STK10: variants seen among roughly 807,000 people sequenced by gnomAD.
The protein encoded by STK10 is serine/threonine-protein kinase 10.
In STK10, 78 loss-of-function variants were observed where a neutral mutation model predicts 113.8. The ratio of observed to expected loss-of-function variants is 0.69; its 90% CI spans 0.57 to 0.83. The LOEUF (loss-of-function observed/expected upper bound fraction) is 0.83, where lower values mean the gene tolerates loss of function less well. Ranked by LOEUF, STK10 falls within the 40% of genes least tolerant of loss-of-function variation. The probability of loss-of-function intolerance (pLI) is 0.00; values close to 1 mark genes in which losing one functional copy is unlikely to be tolerated. For missense variants in STK10, 1,109 were observed against 1,280.1 expected, an observed-to-expected ratio of 0.87 and a Z score of 2.04; for synonymous variants, 465 against 494.7, an observed-to-expected ratio of 0.94 and a Z score of 0.80.
At chr5:172,127,030 G>C (rs994951843) in intron 3 of STK10, among the ~76,000 whole-genome samples, 7 of 152,122 alleles carry the variant, frequency 4.6e-5, no homozygotes, top group African/African-American at 1.7e-4. Flanking sequence ...AGCCGTGCGT[G>C]GTGGCACGGA....
At chr5:172,094,309 G>A (rs978763474) in intron 8 of STK10, among the ~76,000 whole-genome samples, 5 of 152,078 alleles carry the variant, frequency 3.3e-5, no homozygotes, top group Non-Finnish European at 5.9e-5. Context: ...GTGGGAAAAT[G>A]GCTCCCCTGT....
chr5:172,073,315 C>T (rs1297647752), intron 12 of STK10, among the ~76,000 whole-genome samples: 1 of 152,076 alleles, frequency 6.6e-6, no homozygotes, highest in East Asian at 1.9e-4. Context: ...ACCACATTGG[C>T]TAATTTTTGT....
At chr5:172,109,523 G>C (rs1448068171) in intron 4 of STK10, among the ~76,000 whole-genome samples, 1 of 151,842 alleles carries the variant, frequency 6.6e-6, no homozygotes, top group Non-Finnish European at 1.5e-5. Context: ...GCCCAGGCTG[G>C]TCTTGAACCC....
At chr5:172,169,717 T>C (rs1770632070) in intron 1 of STK10, among the ~76,000 whole-genome samples, 1 of 152,172 alleles carries the variant, frequency 6.6e-6, no homozygotes. Flanking sequence ...AACATCAGCC[T>C]CTCTCCTTCC....
At chr5:172,140,062 A>G (rs1769942693) in intron 2 of STK10, among the ~76,000 whole-genome samples, 1 of 151,792 alleles carries the variant, frequency 6.6e-6, no homozygotes, top group Admixed American at 6.5e-5. Context: ...TCCAAAATAT[A>G]TAAGGAACTC....
chr5:172,076,862 G>T (rs57268328), intron 12 of STK10, among the ~76,000 whole-genome samples: 32,121 of 152,112 alleles, frequency 0.21, 4,419 homozygotes, highest in African/African-American at 0.38. Flanking sequence ...CTGTGCTGTT[G>T]CAAGCATGAT....
rs998404069 is a variant in STK10, at chr5:172,064,893, C to T, written c.1990-81G>A. ...AGTATAATCTTCAACGCAGAACCCC[C>T]GGGCCAGAGAAACCAAAGAAGAGGC... is the stretch of plus-strand genomic sequence containing the variant. On this transcript the variant is annotated intron_variant, in intron 12 of 18. Coordinates refer to ENST00000176763, the MANE Select transcript of STK10 (RefSeq NM_005990.4). 50 of 1,490,160 alleles carry T rather than the reference C, an allele frequency of 3.4e-5. 2 individuals are homozygous for T. The highest frequency in any genetic ancestry group is 2.1e-4 in the South Asian group (18 of 86,440). 92.3% of individuals were successfully genotyped at this position (1,490,160 alleles called of 1,614,324 possible).
intron 2 of STK10, among the ~76,000 whole-genome samples, chr5:172,140,534 T>C (rs548756848): frequency 4.5e-4 from 69 of 152,096 alleles, no homozygotes; most frequent in African/African-American, 1.6e-3. Context: ...TCGTCTCTAC[T>C]AAAAATACAA....
At chr5:172,168,392 G>C (rs1770606940) in intron 1 of STK10, among the ~76,000 whole-genome samples, 1 of 152,200 alleles carries the variant, frequency 6.6e-6, no homozygotes, top group Non-Finnish European at 1.5e-5. Flanking sequence ...TAAAGCCAAA[G>C]GGGGTGACCT....
intron 3 of STK10, 114 bp from the exon 4 acceptor site, chr5:172,117,744 G>A (rs932229745): frequency 9.1e-5 from 129 of 1,416,518 alleles, no homozygotes; most frequent in Non-Finnish European, 1.2e-4. Flanking sequence ...GCCAGGCGTG[G>A]TGGCTCACGC....
chr5:172,090,360 G>C lies in STK10; in HGVS notation c.1557C>G (p.Asp519Glu), dbSNP rs761048318. 1 of 1,613,454 alleles carries C rather than the reference G, an allele frequency of 6.2e-7. No individual in the cohort carries two copies. The highest frequency in any genetic ancestry group is 2.2e-5 in the East Asian group (1 of 44,854). The stretch of plus-strand genomic sequence containing the variant: ...TGAGGGTTTTTTTGTACAGTTTCGG[G>C]TCCTGGCCAGGGAAAACCATTAGAC... The part of the protein sequence containing the change: ...NKEMGSLSIK[D>E]PKLYKKTLKR... Residue 519 changes from aspartate (D) to glutamate (E), a missense_variant and splice_region_variant, in exon 10 of 19, where the codon GAC (aspartate) becomes GAG (glutamate). Coordinates refer to ENST00000176763, the MANE Select transcript of STK10 (RefSeq NM_005990.4).
At chr5:172,155,602 A>G (rs1377531706) in intron 2 of STK10, among the ~76,000 whole-genome samples, 3 of 152,206 alleles carry the variant, frequency 2.0e-5, no homozygotes, top group South Asian at 2.1e-4. Context: ...AAAAATAAAA[A>G]TAAAAAAAAG....
At chr5:172,115,316 G>A (rs1179505350) in intron 4 of STK10, among the ~76,000 whole-genome samples, 1 of 152,218 alleles carries the variant, frequency 6.6e-6, no homozygotes, top group East Asian at 1.9e-4. Context: ...GCCTCCAATG[G>A]TGAGTTCGGG....
At chr5:172,143,762 A>G (rs1357448042) in intron 2 of STK10, among the ~76,000 whole-genome samples, 2 of 152,244 alleles carry the variant, frequency 1.3e-5, no homozygotes, top group Non-Finnish European at 2.9e-5. Flanking sequence ...TCCTTGAAGA[A>G]GCAGTTTACA....
intron 12 of STK10, among the ~76,000 whole-genome samples, chr5:172,072,249 T>TA (rs1397874883): frequency 6.6e-6 from 1 of 150,450 alleles, no homozygotes; most frequent in East Asian, 1.9e-4. Context: ...ATAGGAGACT[T>TA]AAAAAATTTT....
At chr5:172,169,167 T>G (rs530156976) in intron 1 of STK10, among the ~76,000 whole-genome samples, 14 of 152,124 alleles carry the variant, frequency 9.2e-5, no homozygotes, top group African/African-American at 3.1e-4. Context: ...CCAGCCCACC[T>G]CCCCGACTAG....
intron 1 of STK10, among the ~76,000 whole-genome samples, chr5:172,175,268 C>G (rs1017836591): frequency 2.0e-5 from 3 of 151,996 alleles, no homozygotes; most frequent in Non-Finnish European, 4.4e-5. Context: ...GCCAGCCCTG[C>G]TATAGTCTGT....
At chr5:172,179,514 C>A (rs780972674) in intron 1 of STK10, among the ~76,000 whole-genome samples, 1 of 152,182 alleles carries the variant, frequency 6.6e-6, no homozygotes, top group African/African-American at 2.4e-5. Context: ...CTGTTTGTTT[C>A]GATCCCTTCC....
chr5:172,098,335 G>A (rs916583589), intron 7 of STK10, among the ~76,000 whole-genome samples: 6 of 152,150 alleles, frequency 3.9e-5, no homozygotes, highest in Non-Finnish European at 1.5e-5. Flanking sequence ...TGCAGGCAGA[G>A]GGGCCTCATT....
Sources: gnomAD v4.1 joint callset for allele counts (sites outside exome capture counted in the v4.1 genomes callset) on GRCh38, gnomAD v4.1.1 for gene constraint, MANE v1.5 for transcripts, NCBI Gene and HGNC (gene_info 2026-07-23, HGNC 2026-07-21) for gene names.